Variants in TNRC6B observed in about 807,000 individuals in gnomAD.
TNRC6B encodes trinucleotide repeat containing adaptor 6B.
Under a neutral mutation model 203.6 loss-of-function variants are expected in TNRC6B, and 52 were observed. That is an observed-to-expected ratio of 0.26 (90% confidence interval 0.20 to 0.32). The LOEUF is 0.32. TNRC6B is among the 10% of genes least tolerant of loss of function. The probability of loss-of-function intolerance (pLI) is 1.00; values close to 1 mark genes in which losing one functional copy is unlikely to be tolerated. For synonymous variants in TNRC6B, 838 were observed against 845.7 expected (o/e 0.99, Z 0.16); for missense variants, 1,923 against 2,286.2 (o/e 0.84, Z 3.24).
chr22:40,093,843 G>T (rs1384283330), intron 1 of TNRC6B, among the ~76,000 whole-genome samples: 1 of 151,634 alleles, frequency 6.6e-6, no homozygotes, highest in Non-Finnish European at 1.5e-5. Flanking sequence ...ATGGTTGATG[G>T]GTACAAAAAT....
At chr22:40,051,103 G>A (rs1283007164) in intron 1 of TNRC6B, among the ~76,000 whole-genome samples, 2 of 152,134 alleles carry the variant, frequency 1.3e-5, no homozygotes, top group East Asian at 3.8e-4. Context: ...GATTACAGGC[G>A]TGAGCCACCG....
intron 11 of TNRC6B, 107 bp from the exon 12 acceptor site, chr22:40,285,538 C>G (rs1010993858): frequency 1.5e-6 from 2 of 1,348,286 alleles, no homozygotes; most frequent in Non-Finnish European, 2.0e-6. Context: ...GTTATTCCAT[C>G]GAACACAGCC....
intron 1 of TNRC6B, among the ~76,000 whole-genome samples, chr22:40,052,715 C>G (rs1227564127): frequency 6.6e-6 from 1 of 152,126 alleles, no homozygotes; most frequent in African/African-American, 2.4e-5. Context: ...TCCCAAAGTG[C>G]TGGGATTACA....
intron 2 of TNRC6B, among the ~76,000 whole-genome samples, chr22:40,121,812 T>TA (rs2146321391): frequency 6.6e-6 from 1 of 152,358 alleles, no homozygotes; most frequent in Non-Finnish European, 1.5e-5. Flanking sequence ...AACAGCCACT[T>TA]ACGTGAAGAC....
At chr22:40,141,471 C>G (rs1348384686) in intron 3 of TNRC6B, among the ~76,000 whole-genome samples, 1 of 151,774 alleles carries the variant, frequency 6.6e-6, no homozygotes, top group Admixed American at 6.6e-5. Context: ...GTGCTGGGAT[C>G]AAATTTCTCT....
chr22:40,228,480 T>G (rs1010012891), intron 1 of TNRC6B, among the ~76,000 whole-genome samples: 2 of 151,092 alleles, frequency 1.3e-5, no homozygotes, highest in Non-Finnish European at 2.9e-5. Flanking sequence ...GATAAATGTA[T>G]GTATGTTAGA....
chr22:40,162,496 A>G (rs1027129701), intron 4 of TNRC6B, among the ~76,000 whole-genome samples: 3 of 152,242 alleles, frequency 2.0e-5, no homozygotes, highest in Non-Finnish European at 2.9e-5. Flanking sequence ...GGGCAGCTCT[A>G]TAGCATTTCC....
At chr22:40,122,677 A>G (rs1173880017) in intron 2 of TNRC6B, among the ~76,000 whole-genome samples, 1 of 152,190 alleles carries the variant, frequency 6.6e-6, no homozygotes, top group Admixed American at 6.5e-5. Context: ...AGCCAGGAAG[A>G]AGCATTCCCC....
At chr22:40,105,763 T>G (rs984957619) in intron 1 of TNRC6B, among the ~76,000 whole-genome samples, 2 of 152,208 alleles carry the variant, frequency 1.3e-5, no homozygotes, top group African/African-American at 4.8e-5. Flanking sequence ...GGGGTACATG[T>G]GCATACATTC....
chr22:40,087,300 C>T (rs916933357), intron 1 of TNRC6B, among the ~76,000 whole-genome samples: 1 of 152,180 alleles, frequency 6.6e-6, no homozygotes, highest in African/African-American at 2.4e-5. Context: ...CAGTATGTAA[C>T]AACTTGGTCC....
intron 5 of TNRC6B, among the ~76,000 whole-genome samples, chr22:40,268,368 G>A (rs2070509924): frequency 6.6e-6 from 1 of 152,176 alleles, no homozygotes; most frequent in South Asian, 2.1e-4. Context: ...TTACAGGCAT[G>A]AGCCACTGTG....
chr22:40,178,042 G>T lies in TNRC6B; in HGVS notation c.-94G>T. ...TGAATATTTAAAATACAAAAAAACAGATAGACAAAAAGAATTCATTTTTTG... is the reference window on the plus strand; with the variant it reads ...TGAATATTTAAAATACAAAAAAACATATAGACAAAAAGAATTCATTTTTTG... On this transcript the variant is annotated 5_prime_UTR_variant, in exon 1 of 23. Coordinates refer to ENST00000454349, the MANE Select transcript of TNRC6B (RefSeq NM_001162501.2). 1 of 1,581,668 alleles carries T rather than the reference G, an allele frequency of 6.3e-7. No individual in the cohort carries two copies. Among genetic ancestry groups the T allele is most frequent in the Non-Finnish European group, 8.5e-7 (1 of 1,169,794 alleles).
At chr22:40,126,075 T>C (rs922604252) in intron 3 of TNRC6B, among the ~76,000 whole-genome samples, 1 of 152,212 alleles carries the variant, frequency 6.6e-6, no homozygotes, top group Non-Finnish European at 1.5e-5. Context: ...CAGAGAACTT[T>C]ATAATTTATT....
chr22:40,207,418 A>AAAAATAT (rs1475466762), intron 1 of TNRC6B, among the ~76,000 whole-genome samples: 1 of 128,882 alleles, frequency 7.8e-6, no homozygotes, highest in Non-Finnish European at 1.6e-5. Context: ...AAAAAAAAAA[A>AAAAATAT]ATATATATAT....
Position 40,255,636 on chromosome 22 carries a change from A to G in TNRC6B, c.115+4436A>G, listed in dbSNP as rs144560055. On this transcript the variant is annotated intron_variant, in intron 3 of 22. Coordinates refer to ENST00000454349, the MANE Select transcript of TNRC6B (RefSeq NM_001162501.2). ...GTGGCTCCAATAAATTGGCATGAAA[A>G]TAGTCCAAATAGGAGGTAATGAGGA... 4.2e-3 allele frequency among the ~76,000 whole-genome samples: 633 copies of G among 152,310 alleles called. 4 individuals carry two copies. The highest frequency in any genetic ancestry group is 6.6e-3 in the Non-Finnish European group (446 of 68,020).
chr22:40,290,653 G>A (rs1377192882), intron 12 of TNRC6B, among the ~76,000 whole-genome samples: 1 of 152,098 alleles, frequency 6.6e-6, no homozygotes, highest in Non-Finnish European at 1.5e-5. Flanking sequence ...TGTGCAGCCT[G>A]CCCTGTCACT....
At chr22:40,124,865 C>A (rs948743365) in intron 2 of TNRC6B, among the ~76,000 whole-genome samples, 2 of 151,750 alleles carry the variant, frequency 1.3e-5, no homozygotes, top group Non-Finnish European at 2.9e-5. Flanking sequence ...ATACAAAAAT[C>A]GGCCGGGTGT....
intron 12 of TNRC6B, 94 bp downstream of exon 12, chr22:40,285,864 TAGTA>T (rs2070773263): frequency 6.9e-7 from 1 of 1,459,814 alleles, no homozygotes; most frequent in South Asian, 1.3e-5. Context: ...AAAAGAATGA[TAGTA>T]AGTAGCATAA....
At chr22:40,171,412 C>T (rs754369791) in intron 4 of TNRC6B, among the ~76,000 whole-genome samples, 3 of 151,990 alleles carry the variant, frequency 2.0e-5, no homozygotes, top group African/African-American at 4.8e-5. Flanking sequence ...CCGCCTGCCT[C>T]GGCCTCCCAA....
Sources: gnomAD v4.1 joint callset for allele counts (sites outside exome capture counted in the v4.1 genomes callset) on GRCh38, gnomAD v4.1.1 for gene constraint, MANE v1.5 for transcripts, NCBI Gene and HGNC (gene_info 2026-07-23, HGNC 2026-07-21) for gene names.